Variants in PTPN21 observed in about 807,000 individuals in gnomAD.
The protein encoded by PTPN21 is protein tyrosine phosphatase non-receptor type 21.
In PTPN21, 77 loss-of-function variants were observed where a neutral mutation model predicts 131.8. The ratio of observed to expected loss-of-function variants is 0.58; its 90% CI spans 0.49 to 0.71. PTPN21 has a LOEUF of 0.71. Ranked by LOEUF, PTPN21 falls within the 30% of genes least tolerant of loss-of-function variation. PTPN21 has a pLI of 0.00. For missense variants in PTPN21, 1,552 were observed against 1,527.1 expected, an observed-to-expected ratio of 1.02 and a Z score of -0.27; for synonymous variants, 715 against 621.3, an observed-to-expected ratio of 1.15 and a Z score of -2.24.
intron 11 of PTPN21, among the ~76,000 whole-genome samples, 175 bp downstream of exon 11, chr14:88,485,607 A>T (rs2077720146): frequency 6.6e-6 from 1 of 152,044 alleles, no homozygotes; most frequent in Non-Finnish European, 1.5e-5. Flanking sequence ...TAATATAATA[A>T]TATAAATATT....
rs374229407 is a variant in PTPN21, at chr14:88,479,016, G to A, written c.2415C>T (p.Gly805=). The A allele has an allele frequency of 2.4e-5, 38 of 1,605,534 alleles. No individual in the cohort carries two copies. In the African/African-American group the frequency reaches 4.4e-4, roughly 19 times the overall value. ...GAGAGTCCCTCCGGGCTCGGTAGCG[G>A]CCTGACGTGGTGAGGTCGGACTCCG... The part of the protein sequence containing the change: ...SMSESDLTTS[G]RYRARRDSLK... The change falls in exon 13 of 19, where the codon GGC becomes GGT. Residue 805 remains glycine (G), a synonymous_variant. Coordinates refer to ENST00000556564, the MANE Select transcript of PTPN21 (RefSeq NM_007039.4).
chr14:88,517,855 ATATATGTG>A (rs1023162073), intron 2 of PTPN21, among the ~76,000 whole-genome samples: 7 of 146,978 alleles, frequency 4.8e-5, no homozygotes, highest in South Asian at 4.2e-4. Flanking sequence ...TATATGGTAT[ATATATGTG>A]TATATGTGTA....
chr14:88,510,841 T>G (rs570505058), intron 3 of PTPN21, among the ~76,000 whole-genome samples: 3 of 152,292 alleles, frequency 2.0e-5, no homozygotes, highest in African/African-American at 7.2e-5. Context: ...GTTATTGTAT[T>G]ATCCCTCAAA....
intron 2 of PTPN21, among the ~76,000 whole-genome samples, chr14:88,529,094 T>C (rs2078519693): frequency 1.3e-5 from 2 of 152,192 alleles, no homozygotes; most frequent in African/African-American, 2.4e-5. Flanking sequence ...CCCCATTCAG[T>C]ATAATGTTAG....
intron 15 of PTPN21, among the ~76,000 whole-genome samples, chr14:88,470,815 G>C (rs2077452850): frequency 6.6e-6 from 1 of 152,182 alleles, no homozygotes; most frequent in African/African-American, 2.4e-5. Context: ...AGGAGGAGGG[G>C]ACTAGTGAGA....
At chr14:88,500,912 A>ATCTGCTTCC in intron 7 of PTPN21, 41 bp from the exon 8 acceptor site, 1 of 1,413,198 alleles carries the variant, frequency 7.1e-7, no homozygotes, top group Non-Finnish European at 1.0e-6. Flanking sequence ...CAGGAAGCAG[A>ATCTGCTTCC]TGCAGAGGAA....
At chr14:88,484,718 A>G (rs28509444) in intron 12 of PTPN21, among the ~76,000 whole-genome samples, 56,789 of 151,894 alleles carry the variant, frequency 0.37, 11,178 homozygotes, top group African/African-American at 0.5. Flanking sequence ...GTGAAACCCC[A>G]TGTCTACTAA....
chr14:88,530,411 T>C (rs113281207), intron 2 of PTPN21, among the ~76,000 whole-genome samples: 1,899 of 152,126 alleles, frequency 0.012, 29 homozygotes, highest in African/African-American at 0.041. Context: ...ACTAGCACGA[T>C]GAATAGAGCA....
intron 2 of PTPN21, among the ~76,000 whole-genome samples, chr14:88,522,577 C>A (rs1423949927): frequency 6.6e-6 from 1 of 151,906 alleles, no homozygotes; most frequent in African/African-American, 2.4e-5. Context: ...CTTTCTCGTG[C>A]GTAACTATTG....
chr14:88,534,558 C>T (rs560169846), intron 2 of PTPN21, among the ~76,000 whole-genome samples: 3 of 152,090 alleles, frequency 2.0e-5, no homozygotes, highest in African/African-American at 7.2e-5. Context: ...AAAGCAAAAA[C>T]GTTATAGTAA....
intron 18 of PTPN21, 51 bp from the exon 19 acceptor site, chr14:88,468,316 G>A: frequency 6.7e-7 from 1 of 1,500,910 alleles, no homozygotes; most frequent in Non-Finnish European, 9.0e-7. Context: ...TGGGGAGACA[G>A]AAAGGATGGG....
chr14:88,495,586 G>A (rs1305071319), intron 10 of PTPN21, among the ~76,000 whole-genome samples: 1 of 152,160 alleles, frequency 6.6e-6, no homozygotes, highest in African/African-American at 2.4e-5. Context: ...CTTGAACCGG[G>A]GGCTCAGGGG....
chr14:88,506,325 G>GT, intron 4 of PTPN21, among the ~76,000 whole-genome samples: 1 of 152,080 alleles, frequency 6.6e-6, no homozygotes, highest in Non-Finnish European at 1.5e-5. Flanking sequence ...GGGCAACAGA[G>GT]TAAGACTGTC....
At chr14:88,508,364 TGTTCTCTAACTCCTGGGCTCAGGCA>T (rs975298482) in intron 3 of PTPN21, among the ~76,000 whole-genome samples, 27 of 152,106 alleles carry the variant, frequency 1.8e-4, no homozygotes, top group African/African-American at 5.6e-4. Flanking sequence ...TTGCCCAGGC[TGTTCTCTAACTCCTGGGCTCAGGCA>T]ATCCTAGTGC....
At chr14:88,542,188 C>T (rs188127655) in intron 2 of PTPN21, among the ~76,000 whole-genome samples, 9 of 152,262 alleles carry the variant, frequency 5.9e-5, no homozygotes, top group Admixed American at 1.3e-4. Flanking sequence ...GATAATACAA[C>T]GCCTAACTCA....
At chr14:88,538,769 T>C (rs1212609783) in intron 2 of PTPN21, among the ~76,000 whole-genome samples, 2 of 152,176 alleles carry the variant, frequency 1.3e-5, no homozygotes, top group African/African-American at 2.4e-5. Context: ...CTAGCTGTGG[T>C]TTCCGCCATG....
intron 13 of PTPN21, among the ~76,000 whole-genome samples, chr14:88,478,472 T>C (rs531271316): frequency 1.3e-5 from 2 of 152,274 alleles, no homozygotes; most frequent in Admixed American, 6.5e-5. Flanking sequence ...TATATTAGGA[T>C]TGGGTACACT....
At chr14:88,485,254 C>T in intron 11 of PTPN21, 94 bp from the exon 12 acceptor site, 1 of 693,582 alleles carries the variant, frequency 1.4e-6, no homozygotes, top group Non-Finnish European at 2.3e-6. Context: ...GTTAAAAAAA[C>T]TTCTAAAGGA....
chr14:88,500,128 A>G (rs551956678), intron 8 of PTPN21, among the ~76,000 whole-genome samples: 1 of 143,996 alleles, frequency 6.9e-6, no homozygotes, highest in South Asian at 2.3e-4. Context: ...ACAAAGCTCT[A>G]TATTTTTCAT....
Sources: allele counts gnomAD v4.1 joint callset (sites outside exome capture counted in the v4.1 genomes callset), GRCh38; gene constraint gnomAD v4.1.1; transcripts MANE v1.5; gene names NCBI Gene and HGNC (gene_info 2026-07-23, HGNC 2026-07-21).